The following PTPRN2 variants were observed in gnomAD, a reference collection of about 807,000 sequenced individuals.
PTPRN2 encodes protein tyrosine phosphatase receptor type N2.
In PTPRN2, 74 loss-of-function variants were observed where a neutral mutation model predicts 118.8. The ratio of observed to expected loss-of-function variants is 0.62; its 90% CI spans 0.52 to 0.76. The LOEUF (loss-of-function observed/expected upper bound fraction) is 0.76. Among genes scored for constraint, PTPRN2 ranks in the 30% least tolerant of loss-of-function variants. The pLI, the probability that PTPRN2 is intolerant of heterozygous loss-of-function variation, is 0.00. For synonymous variants in PTPRN2, 641 were observed against 608.0 expected, an observed-to-expected ratio of 1.05 and a Z score of -0.80; for missense variants, 1,481 against 1,394.4, an observed-to-expected ratio of 1.06 and a Z score of -0.99.
At chr7:157,983,887 T>C (rs536592437) in intron 11 of PTPRN2, among the ~76,000 whole-genome samples, 2 of 152,266 alleles carry the variant, frequency 1.3e-5, no homozygotes, top group African/African-American at 2.4e-5. Flanking sequence ...TCCTGGTGCC[T>C]GGACACACGG....
At position 157,843,620 on chromosome 7, in the gene PTPRN2, A is replaced by G. The variant is rs148280572; in HGVS notation, c.1788+55053T>C. 2.5e-3 allele frequency among the ~76,000 whole-genome samples: 374 copies of G among 152,338 alleles called. 1 individual carries two copies. The highest frequency in any genetic ancestry group is 3.9e-3 in the Non-Finnish European group (262 of 68,026). The stretch of plus-strand genomic sequence containing the variant: ...GGAGAGACGGCTGGTGCAGAAAAAC[A>G]CAGAAGGCCCAGAGCCGCTCATTGA... On this transcript the variant is annotated intron_variant, in intron 12 of 22. Transcript: ENST00000389418.
At chr7:157,692,959 G>C (rs1005980792) in intron 12 of PTPRN2, among the ~76,000 whole-genome samples, 10 of 152,032 alleles carry the variant, frequency 6.6e-5, no homozygotes, top group African/African-American at 2.4e-4. Context: ...GAGTGGTAGC[G>C]GTTCCTGTCC....
At position 158,425,002 on chromosome 7, in the gene PTPRN2, A is replaced by G. The variant is rs1017181095; in HGVS notation, c.163+64733T>C. The stretch of plus-strand genomic sequence containing the variant: ...GTTTCGGAGAAGGCATTCTGTAGTT[A>G]TAACTACCATCCACCATCAGGTGAC... On this transcript the variant is annotated intron_variant, in intron 2 of 22. Coordinates refer to ENST00000389418, the MANE Select transcript of PTPRN2 (RefSeq NM_002847.5). 2.6e-5 allele frequency among the ~76,000 whole-genome samples: 4 copies of G among 152,362 alleles called. 1 individual carries two copies. The highest frequency in any genetic ancestry group is 9.6e-5 in the African/African-American group (4 of 41,592).
chr7:157,972,386 T>C (rs1802396352), intron 11 of PTPRN2, among the ~76,000 whole-genome samples: 1 of 152,230 alleles, frequency 6.6e-6, no homozygotes, highest in African/African-American at 2.4e-5. Flanking sequence ...GGCATTAACC[T>C]GCTGACTGAC....
intron 9 of PTPRN2, among the ~76,000 whole-genome samples, chr7:158,112,092 C>T (rs1450378036): frequency 6.6e-6 from 1 of 152,222 alleles, no homozygotes; most frequent in East Asian, 1.9e-4. Flanking sequence ...ACCAGCCCTG[C>T]CCACACCTGG....
chr7:158,507,838 G>T (rs1199938775), intron 1 of PTPRN2, among the ~76,000 whole-genome samples: 1 of 149,408 alleles, frequency 6.7e-6, no homozygotes, highest in Non-Finnish European at 1.5e-5. Context: ...CATGCACGGA[G>T]GTCAGTGAGG....
At chr7:157,846,739 C>T (rs1462794956) in intron 12 of PTPRN2, among the ~76,000 whole-genome samples, 4 of 150,022 alleles carry the variant, frequency 2.7e-5, no homozygotes, top group African/African-American at 9.8e-5. Flanking sequence ...AGCCCTCTCT[C>T]ACTCCATCAT....
At chr7:158,030,378 G>A (rs939906776) in intron 11 of PTPRN2, 3 of 152,244 alleles carry the variant, frequency 2.0e-5, no homozygotes, top group Non-Finnish European at 4.4e-5. Context: ...CGGGGACTAT[G>A]TCCCCCAGCA....
At chr7:157,771,808 C>CAA (rs1345424086) in intron 12 of PTPRN2, among the ~76,000 whole-genome samples, 2 of 145,872 alleles carry the variant, frequency 1.4e-5, no homozygotes, top group African/African-American at 2.7e-5. Flanking sequence ...GACACAAACA[C>CAA]ACAGACACAG....
chr7:158,073,295 C>G lies in PTPRN2; in HGVS notation c.1723+8003G>C, dbSNP rs548125806. The stretch of plus-strand genomic sequence containing the variant: ...CGGCCTCCCCTCAGCTCAGAGACAG[C>G]CTGTGAGCCGCGGCTGCAGGAGGAA... On this transcript the variant is annotated intron_variant, in intron 11 of 22. Coordinates refer to ENST00000389418, the MANE Select transcript of PTPRN2 (RefSeq NM_002847.5). Among the ~76,000 whole-genome samples, 5 of 152,358 alleles carry G rather than the reference C, an allele frequency of 3.3e-5. No individual in the cohort carries two copies. In the South Asian group the frequency reaches 6.2e-4, roughly 19 times the overall value.
intron 11 of PTPRN2, among the ~76,000 whole-genome samples, chr7:157,993,937 C>G (rs1361449665): frequency 6.6e-6 from 1 of 152,138 alleles, no homozygotes; most frequent in African/African-American, 2.4e-5. Context: ...TCTCCCTGCG[C>G]CCGTGTCTGG....
At chr7:157,820,372 C>A (rs1563143053) in intron 12 of PTPRN2, among the ~76,000 whole-genome samples, 1 of 148,176 alleles carries the variant, frequency 6.7e-6, no homozygotes, top group East Asian at 2.0e-4. Context: ...CACAGCAGAC[C>A]CATATATATG....
At chr7:157,733,466 G>A (rs866734893) in intron 12 of PTPRN2, among the ~76,000 whole-genome samples, 1 of 39,670 alleles carries the variant, frequency 2.5e-5, no homozygotes, top group African/African-American at 1.3e-4. Context: ...ACTCTTTTCC[G>A]CCCCATGCGC....
At chr7:158,197,044 G>GTGTGCA (rs756799513) in intron 4 of PTPRN2, among the ~76,000 whole-genome samples, 3 of 152,158 alleles carry the variant, frequency 2.0e-5, no homozygotes, top group Non-Finnish European at 4.4e-5. Flanking sequence ...GTGTGTGTGC[G>GTGTGCA]TGTGCATGTG....
intron 11 of PTPRN2, among the ~76,000 whole-genome samples, chr7:157,965,649 G>A (rs745307768): frequency 6.6e-6 from 1 of 152,160 alleles, no homozygotes; most frequent in Admixed American, 6.5e-5. Context: ...GCCCCAGCAG[G>A]TTCCAGCTCT....
At chr7:158,447,733 C>T (rs2129437116) in intron 2 of PTPRN2, among the ~76,000 whole-genome samples, 1 of 152,372 alleles carries the variant, frequency 6.6e-6, no homozygotes, top group East Asian at 1.9e-4. Context: ...GCCAAGCGGG[C>T]AGTGAAGACG....
intron 3 of PTPRN2, among the ~76,000 whole-genome samples, chr7:158,244,011 C>G (rs1563028076): frequency 1.3e-5 from 2 of 152,204 alleles, no homozygotes; most frequent in Non-Finnish European, 2.9e-5. Flanking sequence ...GCAACAGTCT[C>G]TACTTAGTGC....
At chr7:158,150,044 C>T (rs949184532) in intron 6 of PTPRN2, among the ~76,000 whole-genome samples, 1 of 152,186 alleles carries the variant, frequency 6.6e-6, no homozygotes, top group African/African-American at 2.4e-5. Flanking sequence ...GCATCAAGGG[C>T]ATGAATGATA....
intron 2 of PTPRN2, among the ~76,000 whole-genome samples, chr7:158,448,245 G>A (rs1817862170): frequency 6.6e-6 from 1 of 152,174 alleles, no homozygotes. Flanking sequence ...AGAGAGAAGT[G>A]GACTTGGAAG....
Sources: allele counts gnomAD v4.1 joint callset (sites outside exome capture counted in the v4.1 genomes callset), GRCh38; gene constraint gnomAD v4.1.1; transcripts MANE v1.5; gene names NCBI Gene and HGNC (gene_info 2026-07-23, HGNC 2026-07-21).